COL15A1: variants seen among roughly 807,000 people sequenced by gnomAD.
COL15A1 encodes the protein collagen alpha-1(XV) chain.
A neutral mutation model predicts 165.9 loss-of-function variants in COL15A1; 111 were observed. The observed-to-expected ratio is 0.67, with a 90% CI of 0.57 to 0.78. COL15A1 has a LOEUF of 0.78. Ranked by LOEUF, COL15A1 falls within the 30% of genes least tolerant of loss-of-function variation. COL15A1 has a pLI of 0.00. For synonymous variants in COL15A1, 659 were observed against 674.8 expected (o/e 0.98, Z 0.36); for missense variants, 1,745 against 1,789.7 (o/e 0.98, Z 0.45).
At chr9:99,027,341 T>C (rs541538202) in intron 16 of COL15A1, among the ~76,000 whole-genome samples, 2 of 152,358 alleles carry the variant, frequency 1.3e-5, no homozygotes, top group South Asian at 4.1e-4. Flanking sequence ...ACTGAATTTC[T>C]AGTTTCCGTC....
chr9:98,989,511 G>C (rs1468071192), intron 5 of COL15A1, among the ~76,000 whole-genome samples: 1 of 152,222 alleles, frequency 6.6e-6, no homozygotes, highest in Non-Finnish European at 1.5e-5. Flanking sequence ...GGCAAACGCT[G>C]TGCTGTATTG....
In COL15A1 at chr9:99,020,462, T is replaced by C; in HGVS notation, c.1701+20T>C. 6.3e-7 allele frequency: 1 copy of C among 1,580,018 alleles called. No homozygotes were observed. Among genetic ancestry groups the C allele is most frequent in the South Asian group, 1.1e-5 (1 of 90,298 alleles). The stretch of plus-strand genomic sequence containing the variant: ...GAAAAGGTTTGTGCTGTGACCATCC[T>C]GGGGAACACTTTGGCTCCTGATCAA... On this transcript the variant is annotated intron_variant, in intron 12 of 41. Coordinates refer to ENST00000375001, the MANE Select transcript of COL15A1 (RefSeq NM_001855.5).
At chr9:99,056,179 A>C in intron 34 of COL15A1, 81 bp from the exon 35 acceptor site, 1 of 1,371,964 alleles carries the variant, frequency 7.3e-7, no homozygotes, top group Non-Finnish European at 1.0e-6. Flanking sequence ...ATTTCTTTTA[A>C]ATATTCTCAT....
At chr9:99,044,886 G>A in intron 26 of COL15A1, 116 bp downstream of exon 26, 2 of 897,574 alleles carry the variant, frequency 2.2e-6, no homozygotes, top group Non-Finnish European at 1.8e-6. Context: ...TGGCAAAGAT[G>A]TGCAAAATGT....
rs781023311 is a variant in COL15A1 at position 99,038,669 on chromosome 9, C to T, written c.2411C>T (p.Ser804Phe). 4.4e-6 allele frequency: 7 copies of T among 1,596,106 alleles called. No individual in the cohort carries two copies. In the South Asian group the frequency reaches 6.6e-5, roughly 15 times the overall value. The change falls in exon 22 of 42, where the codon TCC becomes TTC. Residue 804 changes from serine to phenylalanine, a missense_variant and splice_region_variant. Coordinates refer to ENST00000375001, the MANE Select transcript of COL15A1 (RefSeq NM_001855.5). ...PPGHIKVLSN[S>F]LINITHGFMN... is the part of the protein sequence containing the mutation. ...ATTGTCTGATTTTTCTCTTTTCAGTCCTTGATCAATATCACCCATGGATTC... is the reference window on the plus strand; with the variant it reads ...ATTGTCTGATTTTTCTCTTTTCAGTTCTTGATCAATATCACCCATGGATTC...
rs1305242350 is a variant in COL15A1, at chr9:98,989,035, C to CAT, written c.724-142_724-141insTA. On this transcript the variant is annotated intron_variant, in intron 4 of 41. Coordinates refer to ENST00000375001, the MANE Select transcript of COL15A1 (RefSeq NM_001855.5). ...TCCGTCTCTCATAGACACACACACA[C>CAT]ACACACACACACACACACACACACA... is the stretch of plus-strand genomic sequence containing the variant. 4 of 663,022 alleles carry CAT rather than the reference C, an allele frequency of 6.0e-6. No individual in the cohort carries two copies. The African/African-American group carries it at 7.1e-5, about 12-fold the overall frequency. The allele number at this position is 663,022 out of a possible 1,614,324, so 41.1% of individuals were successfully genotyped here. A position where few individuals can be genotyped will look rare whatever the true frequency, so the allele number is the denominator to read the frequency against.
intron 2 of COL15A1, among the ~76,000 whole-genome samples, chr9:98,975,153 A>C (rs1382480274): frequency 6.6e-6 from 1 of 152,222 alleles, no homozygotes; most frequent in African/African-American, 2.4e-5. Flanking sequence ...CCGTCCGGAC[A>C]TATCCGCAGC....
chr9:99,042,824 G>C (rs941621207), intron 24 of COL15A1, among the ~76,000 whole-genome samples: 1 of 152,162 alleles, frequency 6.6e-6, no homozygotes, highest in Non-Finnish European at 1.5e-5. Flanking sequence ...TTGCCTCTTA[G>C]AATTAACTTT....
chr9:99,008,240 T>C (rs77251165), intron 9 of COL15A1, among the ~76,000 whole-genome samples: 4,006 of 152,294 alleles, frequency 0.026, 173 homozygotes, highest in African/African-American at 0.093. Flanking sequence ...AGGCCTCACC[T>C]TGAGGTCTCA....
At chr9:98,954,240 G>A (rs577134062) in intron 2 of COL15A1, among the ~76,000 whole-genome samples, 2 of 152,068 alleles carry the variant, frequency 1.3e-5, no homozygotes, top group Non-Finnish European at 2.9e-5. Context: ...TTTAAAAATT[G>A]GTAATAAAAA....
intron 19 of COL15A1, among the ~76,000 whole-genome samples, chr9:99,035,676 T>C (rs1839289041): frequency 1.3e-5 from 2 of 152,194 alleles, no homozygotes; most frequent in African/African-American, 2.4e-5. Flanking sequence ...TATTTCTCTC[T>C]CTCCCTCTGC....
rs377195542 is a variant in COL15A1 at position 99,038,776 on chromosome 9, C to T, written c.2475+43C>T. 34 of 1,231,978 alleles carry T rather than the reference C, an allele frequency of 2.8e-5. No individual in the cohort carries two copies. In the African/African-American group the frequency reaches 3.1e-4, roughly 11 times the overall value. The allele number at this position is 1,231,978 out of a possible 1,614,324, so 76.3% of individuals were successfully genotyped here. On this transcript the variant is annotated intron_variant, in intron 22 of 41. Coordinates refer to ENST00000375001, the MANE Select transcript of COL15A1 (RefSeq NM_001855.5). ...CCCCAGAATGTGGCTTTTACCCAGA[C>T]GCCCCTGTTGAAACAAAGTCGGGTT...
intron 2 of COL15A1, among the ~76,000 whole-genome samples, chr9:98,969,207 A>G (rs1231747793): frequency 6.6e-6 from 1 of 152,232 alleles, no homozygotes; most frequent in African/African-American, 2.4e-5. Flanking sequence ...GCAGTAATTT[A>G]TGGGAGAGAA....
intron 3 of COL15A1, among the ~76,000 whole-genome samples, chr9:98,986,897 G>A (rs1181792155): frequency 6.6e-6 from 1 of 152,194 alleles, no homozygotes; most frequent in African/African-American, 2.4e-5. Flanking sequence ...CAGGGAGGCT[G>A]TGGTAGCCCT....
At chr9:98,994,439 T>C (rs1385152881) in intron 5 of COL15A1, among the ~76,000 whole-genome samples, 1 of 152,154 alleles carries the variant, frequency 6.6e-6, no homozygotes, top group African/African-American at 2.4e-5. Flanking sequence ...CTACTTAGCC[T>C]TCAGGATCCA....
chr9:98,956,741 G>A (rs751480169), intron 2 of COL15A1, among the ~76,000 whole-genome samples: 25 of 152,278 alleles, frequency 1.6e-4, no homozygotes, highest in African/African-American at 4.1e-4. Context: ...ATCTTGCTAC[G>A]TGTGGTCCAT....
intron 39 of COL15A1, among the ~76,000 whole-genome samples, chr9:99,064,356 T>C (rs767660118): frequency 2.0e-5 from 3 of 152,126 alleles, no homozygotes; most frequent in Admixed American, 6.6e-5. Flanking sequence ...GCAGGGATTG[T>C]GGGGGCATTT....
chr9:98,993,512 G>A (rs867754834), intron 5 of COL15A1, among the ~76,000 whole-genome samples: 45 of 152,190 alleles, frequency 3.0e-4, no homozygotes, highest in African/African-American at 8.4e-4. Context: ...CTGTGCACCC[G>A]TCTGTCTGCA....
chr9:98,997,884 T>C (rs1217508568), intron 6 of COL15A1: 1 of 152,250 alleles, frequency 6.6e-6, no homozygotes, highest in Non-Finnish European at 1.5e-5. Context: ...AAGATGTAAG[T>C]ACAAGATCAT....
Sources: allele counts gnomAD v4.1 joint callset (sites outside exome capture counted in the v4.1 genomes callset), GRCh38; gene constraint gnomAD v4.1.1; transcripts MANE v1.5; gene names NCBI Gene and HGNC (gene_info 2026-07-23, HGNC 2026-07-21).